The following HTR4 variants were observed in gnomAD, a reference collection of about 807,000 sequenced individuals.
HTR4 encodes the protein 5-hydroxytryptamine (serotonin) receptor 4, G protein-coupled.
In HTR4, 16 loss-of-function variants were observed where a neutral mutation model predicts 36.8. That is an observed-to-expected ratio of 0.43 (90% CI 0.29 to 0.66). The LOEUF (loss-of-function observed/expected upper bound fraction) is 0.66. Among genes scored for constraint, HTR4 ranks in the 30% least tolerant of loss-of-function variants. HTR4 has a pLI of 0.13. For missense variants in HTR4, 438 were observed against 490.9 expected (o/e 0.89, Z 1.02); for synonymous variants, 189 against 185.1 (o/e 1.02, Z -0.17).
chr5:148,634,631 A>C (rs1753459633), intron 2 of HTR4, among the ~76,000 whole-genome samples: 1 of 152,204 alleles, frequency 6.6e-6, no homozygotes, highest in South Asian at 2.1e-4. Context: ...TGAAGGACTG[A>C]GTCCTCGGAG....
At chr5:148,525,908 C>T (rs1187522307) in intron 4 of HTR4, among the ~76,000 whole-genome samples, 2 of 152,086 alleles carry the variant, frequency 1.3e-5, no homozygotes, top group Non-Finnish European at 2.9e-5. Flanking sequence ...TGACTGATGT[C>T]TTTATGAAAA....
At chr5:148,550,438 C>A (rs1759626605) in intron 2 of HTR4, among the ~76,000 whole-genome samples, 176 bp from the exon 3 acceptor site, 1 of 152,140 alleles carries the variant, frequency 6.6e-6, no homozygotes, top group Non-Finnish European at 1.5e-5. Context: ...ACATTTTATC[C>A]TGGTTAGCTC....
In HTR4 at chr5:148,626,253, T is replaced by C. The variant is rs1746624934; in HGVS notation, c.26+10736A>G. ...TGCAAAACTTCTGTCAGTGGTGCGA[T>C]GATAAAATTCAGTTCAATTCAAGGA... On this transcript the variant is annotated intron_variant, in intron 2 of 6. Transcript: ENST00000377888. Among the ~76,000 whole-genome samples, 3 of 152,376 alleles carry C rather than the reference T, an allele frequency of 2.0e-5. No individual in the cohort carries two copies. In the South Asian group the frequency reaches 6.2e-4, roughly 32 times the overall value.
downstream of HTR4, among the ~76,000 whole-genome samples, chr5:148,478,288 A>G (rs1458538452): frequency 6.6e-6 from 1 of 152,078 alleles, no homozygotes; most frequent in Non-Finnish European, 1.5e-5. Flanking sequence ...ACATGGAACT[A>G]GGCGATTTGT....
chr5:148,588,734 G>T (rs1009311128), intron 2 of HTR4, among the ~76,000 whole-genome samples: 19 of 150,722 alleles, frequency 1.3e-4, no homozygotes, highest in Non-Finnish European at 2.1e-4. Flanking sequence ...TAGAGACGGG[G>T]TTTCACCTTG....
chr5:148,553,986 A>C (rs1759815650), intron 2 of HTR4, among the ~76,000 whole-genome samples: 1 of 152,276 alleles, frequency 6.6e-6, no homozygotes, highest in African/African-American at 2.4e-5. Context: ...CCAAGTTTCC[A>C]TTAATAGATA....
intron 2 of HTR4, among the ~76,000 whole-genome samples, chr5:148,567,039 G>A (rs528923176): frequency 4.0e-5 from 6 of 151,784 alleles, no homozygotes; most frequent in African/African-American, 1.5e-4. Flanking sequence ...AAATCCGCAC[G>A]TATTGTTCCT....
At chr5:148,456,677 A>C (rs757967254) in intron 5 of HTR4, among the ~76,000 whole-genome samples, 13 of 152,336 alleles carry the variant, frequency 8.5e-5, no homozygotes, top group Non-Finnish European at 1.5e-4. Flanking sequence ...AGATTCAGAA[A>C]ATGTGAGTTT....
intron 4 of HTR4, among the ~76,000 whole-genome samples, chr5:148,547,562 A>AAAAT (rs71274359): frequency 0.19 from 26,554 of 137,964 alleles, 3,416 homozygotes; most frequent in African/African-American, 0.33. Flanking sequence ...AAAATAAAAT[A>AAAAT]AAATAAATAA....
chr5:148,497,551 C>CT (rs1238831598), intron 6 of HTR4, among the ~76,000 whole-genome samples: 1 of 152,128 alleles, frequency 6.6e-6, no homozygotes, highest in African/African-American at 2.4e-5. Context: ...TTATTCCTCA[C>CT]TTTAGTGGGA....
At chr5:148,492,775 A>G (rs1756512332) in intron 6 of HTR4, among the ~76,000 whole-genome samples, 1 of 152,224 alleles carries the variant, frequency 6.6e-6, no homozygotes, top group Non-Finnish European at 1.5e-5. Context: ...ATGTTTGGTC[A>G]AACACTTAAG....
At chr5:148,502,591 T>C (rs528773951) in intron 6 of HTR4, among the ~76,000 whole-genome samples, 3 of 152,116 alleles carry the variant, frequency 2.0e-5, no homozygotes, top group Non-Finnish European at 4.4e-5. Context: ...TCAGAGCACC[T>C]CTCCCCCTAC....
chr5:148,523,999 T>TC (rs1196412868), intron 4 of HTR4, among the ~76,000 whole-genome samples: 1 of 151,906 alleles, frequency 6.6e-6, no homozygotes, highest in East Asian at 1.9e-4. Flanking sequence ...GTCCGTGTTT[T>TC]TTTTTTTGAA....
At chr5:148,617,463 CTTTTGTTTTT>C (rs1215812040) in intron 2 of HTR4, among the ~76,000 whole-genome samples, 1 of 134,800 alleles carries the variant, frequency 7.4e-6, no homozygotes, top group Non-Finnish European at 1.7e-5. Context: ...AAGTCTCTCT[CTTTTGTTTTT>C]TTTTGTTTTT....
At position 148,507,267 on chromosome 5, in the gene HTR4, C is replaced by T. The variant is rs530392934; in HGVS notation, c.1076+2189G>A. Among the ~76,000 whole-genome samples, 150 of 150,632 alleles carry T rather than the reference C, an allele frequency of 1.0e-3. 1 individual carries two copies. The highest frequency in any genetic ancestry group is 3.3e-3 in the African/African-American group (136 of 40,984). ...GAAACCATCATTCTCAGCAAACTATCGCAAGGAGAAAAAACCAAACGCCGC... is the reference window on the plus strand; with the variant it reads ...GAAACCATCATTCTCAGCAAACTATTGCAAGGAGAAAAAACCAAACGCCGC... On this transcript the variant is annotated intron_variant, in intron 6 of 6. Coordinates refer to ENST00000377888, the MANE Select transcript of HTR4 (RefSeq NM_000870.7).
intron 1 of HTR4, among the ~76,000 whole-genome samples, chr5:148,641,101 GA>G (rs1753716321): frequency 1.3e-5 from 2 of 152,170 alleles, no homozygotes; most frequent in Non-Finnish European, 2.9e-5. Context: ...ATGATTATAG[GA>G]ACATCTCTTG....
chr5:148,645,594 TC>T (rs940602464), intron 1 of HTR4: 2 of 152,178 alleles, frequency 1.3e-5, no homozygotes, highest in African/African-American at 4.8e-5. Context: ...TTACTTGACT[TC>T]TCTTAGCCTC....
chr5:148,621,979 C>A (rs1022461481), intron 2 of HTR4, among the ~76,000 whole-genome samples: 2 of 152,158 alleles, frequency 1.3e-5, no homozygotes, highest in Non-Finnish European at 2.9e-5. Flanking sequence ...GGGCTCTTGG[C>A]TTCTGTGTGG....
chr5:148,598,473 AC>A (rs1296601002), intron 2 of HTR4, among the ~76,000 whole-genome samples: 2 of 151,958 alleles, frequency 1.3e-5, no homozygotes, highest in African/African-American at 4.8e-5. Context: ...AAACACTTGA[AC>A]CCGGGAGATG....
Sources: allele counts gnomAD v4.1 joint callset (sites outside exome capture counted in the v4.1 genomes callset), GRCh38; gene constraint gnomAD v4.1.1; transcripts MANE v1.5; gene names NCBI Gene and HGNC (gene_info 2026-07-23, HGNC 2026-07-21).